Variants in CDH6 observed in about 807,000 individuals in gnomAD.
CDH6 encodes cadherin-6.
In CDH6, 31 loss-of-function variants were observed where a neutral mutation model predicts 78.0. The observed-to-expected ratio is 0.40, with a 90% CI of 0.30 to 0.54. The LOEUF (loss-of-function observed/expected upper bound fraction) is 0.54. Among genes scored for constraint, CDH6 ranks in the 20% least tolerant of loss-of-function variants. The probability of loss-of-function intolerance (pLI) is 0.56; values close to 1 mark genes in which losing one functional copy is unlikely to be tolerated. For missense variants in CDH6, 724 were observed against 975.9 expected (o/e 0.74, Z 3.44); for synonymous variants, 376 against 368.8 (o/e 1.02, Z -0.23).
At chr5:31,314,324 G>A (rs989919536) in intron 8 of CDH6, among the ~76,000 whole-genome samples, 8 of 115,240 alleles carry the variant, frequency 6.9e-5, no homozygotes, top group Admixed American at 2.4e-4. Context: ...AACAGGCCCC[G>A]GTTAAAATAG....
chr5:31,317,424 A>T lies in CDH6; in HGVS notation c.1562A>T (p.His521Leu). The T allele has an allele frequency of 6.2e-7, 1 of 1,612,580 alleles. No individual in the cohort carries two copies. Among genetic ancestry groups the T allele is most frequent in the Admixed American group, 1.7e-5 (1 of 60,006 alleles). Reference protein sequence around the residue: ...AVDKDDPYSGHQFSFSLAPEA... With the variant: ...AVDKDDPYSGLQFSFSLAPEA... Reference sequence around the variant, plus strand: ...GACAAGGATGACCCTTATAGTGGACACCAATTTTCGTTTTCCTTGGCCCCT... The same window carrying T: ...GACAAGGATGACCCTTATAGTGGACTCCAATTTTCGTTTTCCTTGGCCCCT... The change falls in exon 10 of 12, where the codon CAC (histidine) becomes CTC (leucine). Residue 521 changes from histidine to leucine, a missense_variant. Coordinates refer to ENST00000265071, the MANE Select transcript of CDH6 (RefSeq NM_004932.4).
chr5:31,311,797 A>G (rs1386407865), intron 7 of CDH6, among the ~76,000 whole-genome samples: 3 of 152,192 alleles, frequency 2.0e-5, no homozygotes, highest in Non-Finnish European at 2.9e-5. Context: ...GTCTGCCCCC[A>G]TGATACAATC....
rs560432800 is a variant in CDH6 at position 31,209,425 on chromosome 5, C to T, written c.-129+15539C>T. ...AACTGGTTTAGGGCATCCTCTCCCA[C>T]ACTGCACATCCCCAGCTTTAGAATG... On this transcript the variant is annotated intron_variant, in intron 1 of 11. Coordinates refer to ENST00000265071, the MANE Select transcript of CDH6 (RefSeq NM_004932.4). Among the ~76,000 whole-genome samples the T allele has an allele frequency of 3.3e-4, 51 of 152,312 alleles. 4 individuals are homozygous for T. The highest frequency in any genetic ancestry group is 4.1e-4 in the South Asian group (2 of 4,822).
intron 2 of CDH6, among the ~76,000 whole-genome samples, chr5:31,276,821 C>T (rs901918650): frequency 6.6e-5 from 10 of 152,098 alleles, no homozygotes; most frequent in East Asian, 1.9e-4. Context: ...TGAAAGGAGT[C>T]ATAAAATTAT....
intron 2 of CDH6, among the ~76,000 whole-genome samples, chr5:31,283,582 A>G (rs901804875): frequency 6.6e-6 from 1 of 152,114 alleles, no homozygotes; most frequent in African/African-American, 2.4e-5. Context: ...TGCTATTATC[A>G]TTTTTCCAAA....
chr5:31,208,466 T>A (rs1296712161), intron 1 of CDH6, among the ~76,000 whole-genome samples: 1 of 152,130 alleles, frequency 6.6e-6, no homozygotes, highest in Non-Finnish European at 1.5e-5. Context: ...TTTGGCCAAA[T>A]GTCTGAAATA....
intron 1 of CDH6, among the ~76,000 whole-genome samples, chr5:31,226,482 C>T (rs6888907): frequency 0.76 from 116,098 of 152,158 alleles, 44,461 homozygotes; most frequent in Middle Eastern, 0.85. Context: ...GCCCAGAGTA[C>T]TTATTTCTGA....
intron 1 of CDH6, among the ~76,000 whole-genome samples, chr5:31,222,780 G>A (rs1741037424): frequency 6.6e-6 from 1 of 152,114 alleles, no homozygotes; most frequent in Non-Finnish European, 1.5e-5. Context: ...TAATTCCACA[G>A]AGCCTCTATT....
intron 1 of CDH6, among the ~76,000 whole-genome samples, chr5:31,257,224 G>A (rs550763910): frequency 7.2e-5 from 11 of 152,216 alleles, no homozygotes; most frequent in Admixed American, 1.3e-4. Flanking sequence ...GTGCAGTGGC[G>A]CGATCTCGGC....
At chr5:31,321,996 G>A (rs146820509) in intron 11 of CDH6, among the ~76,000 whole-genome samples, 1,858 of 152,224 alleles carry the variant, frequency 0.012, 24 homozygotes, top group African/African-American at 0.031. Context: ...CTATTTAAAC[G>A]CAATTCTTGT....
At chr5:31,199,685 G>GTATATA (rs1554035032) in intron 1 of CDH6, among the ~76,000 whole-genome samples, 2,187 of 79,732 alleles carry the variant, frequency 0.027, 85 homozygotes, top group Admixed American at 0.057. Context: ...GTGTGTGTGT[G>GTATATA]TATATATATA....
At chr5:31,278,317 T>C (rs1163509408) in intron 2 of CDH6, among the ~76,000 whole-genome samples, 1 of 152,094 alleles carries the variant, frequency 6.6e-6, no homozygotes, top group Non-Finnish European at 1.5e-5. Context: ...TATTTTATGA[T>C]ACAAAAGAAG....
intron 2 of CDH6, among the ~76,000 whole-genome samples, chr5:31,285,675 A>G (rs13171309): frequency 0.046 from 6,972 of 152,324 alleles, 273 homozygotes; most frequent in Non-Finnish European, 0.07. Context: ...TTGCTGCAAC[A>G]GGAGGATACT....
intron 1 of CDH6, among the ~76,000 whole-genome samples, chr5:31,210,198 A>G (rs72749641): frequency 0.011 from 1,605 of 152,198 alleles, 17 homozygotes; most frequent in Non-Finnish European, 0.019. Context: ...AACAAACACC[A>G]TAAACTATGA....
intron 2 of CDH6, among the ~76,000 whole-genome samples, chr5:31,271,164 T>A (rs1274810824): frequency 6.6e-6 from 1 of 152,192 alleles, no homozygotes; most frequent in African/African-American, 2.4e-5. Context: ...ATTTACCTTA[T>A]AAACATCTGT....
At chr5:31,279,166 C>T (rs1742786815) in intron 2 of CDH6, among the ~76,000 whole-genome samples, 1 of 152,148 alleles carries the variant, frequency 6.6e-6, no homozygotes, top group South Asian at 2.1e-4. Flanking sequence ...TCCCCAAAAA[C>T]TTAGCTACAA....
intron 2 of CDH6, among the ~76,000 whole-genome samples, chr5:31,276,654 G>C (rs1011832974): frequency 6.6e-5 from 10 of 152,142 alleles, no homozygotes; most frequent in South Asian, 2.1e-4. Context: ...GAGAGAAAAT[G>C]CTTTTCATTC....
chr5:31,235,960 G>A (rs1741443499), intron 1 of CDH6, among the ~76,000 whole-genome samples: 1 of 152,034 alleles, frequency 6.6e-6, no homozygotes, highest in African/African-American at 2.4e-5. Flanking sequence ...CCCATTGTTT[G>A]TACTCATACG....
intron 6 of CDH6, among the ~76,000 whole-genome samples, chr5:31,303,128 G>A (rs372847705): frequency 2.6e-4 from 40 of 152,152 alleles, no homozygotes; most frequent in Middle Eastern, 3.4e-3. Flanking sequence ...AATGATATTC[G>A]TAAAAATATA....
Sources: allele counts gnomAD v4.1 joint callset (sites outside exome capture counted in the v4.1 genomes callset), GRCh38; gene constraint gnomAD v4.1.1; transcripts MANE v1.5; gene names NCBI Gene and HGNC (gene_info 2026-07-23, HGNC 2026-07-21).